Variants in CTBP2 observed in about 807,000 individuals in gnomAD.
CTBP2 encodes the protein C-terminal-binding protein 2.
A neutral mutation model predicts 80.3 loss-of-function variants in CTBP2; 30 were observed. The observed-to-expected ratio is 0.37, with a 90% CI of 0.28 to 0.51. The LOEUF (loss-of-function observed/expected upper bound fraction) is 0.51, where lower values mean the gene tolerates loss of function less well. CTBP2 is among the 20% of genes least tolerant of loss of function. CTBP2 has a pLI of 0.93. For synonymous variants in CTBP2, 594 were observed against 587.4 expected (o/e 1.01, Z -0.16); for missense variants, 1,212 against 1,375.3 (o/e 0.88, Z 1.88).
intron 1 of CTBP2, among the ~76,000 whole-genome samples, chr10:125,144,277 A>C (rs115876037): frequency 2.5e-4 from 38 of 152,314 alleles, no homozygotes; most frequent in African/African-American, 8.7e-4. Context: ...GGTCATGTGA[A>C]TACACAACCA....
intron 1 of CTBP2, among the ~76,000 whole-genome samples, chr10:125,120,835 G>A (rs750266170): frequency 6.6e-6 from 1 of 152,112 alleles, no homozygotes; most frequent in Non-Finnish European, 1.5e-5. Flanking sequence ...CCAGCTAATT[G>A]CCCTGCCCAT....
chr10:125,058,954 TCCA>T (rs1294299140), intron 2 of CTBP2, among the ~76,000 whole-genome samples: 2 of 152,054 alleles, frequency 1.3e-5, no homozygotes, highest in East Asian at 3.9e-4. Flanking sequence ...ACACGGAGAT[TCCA>T]CCACCACCAA....
intron 2 of CTBP2, among the ~76,000 whole-genome samples, chr10:125,109,331 C>T (rs1000093476): frequency 6.6e-5 from 10 of 152,220 alleles, no homozygotes; most frequent in Non-Finnish European, 1.2e-4. Flanking sequence ...TGGTGTCCAA[C>T]TGGAAACATC....
intron 1 of CTBP2, among the ~76,000 whole-genome samples, chr10:125,015,285 C>G (rs1956355288): frequency 6.6e-6 from 1 of 152,224 alleles, no homozygotes; most frequent in African/African-American, 2.4e-5. Flanking sequence ...TCATCCCCAC[C>G]CAAGCAAGGC....
intron 2 of CTBP2, among the ~76,000 whole-genome samples, chr10:125,072,294 A>G (rs1845603583): frequency 6.6e-6 from 1 of 152,036 alleles, no homozygotes; most frequent in Non-Finnish European, 1.5e-5. Flanking sequence ...GAATCCACGT[A>G]CAGCTCCTAT....
At chr10:125,036,666 GGGGTGTGTGTGTGTGTGTGT>G (rs1390433567) in intron 3 of CTBP2, among the ~76,000 whole-genome samples, 28 of 100,326 alleles carry the variant, frequency 2.8e-4, no homozygotes, top group African/African-American at 1.0e-3. Flanking sequence ...AAAGCTAGAG[GGGGTGTGTGTGTGTGTGTGT>G]GTGTGTGTGT....
Position 125,027,768 on chromosome 10 carries a change from A to C in CTBP2, c.-9T>G, listed in dbSNP as rs1564745727. 4.5e-6 allele frequency: 7 copies of C among 1,560,428 alleles called. No individual in the cohort carries two copies. The highest frequency in any genetic ancestry group is 6.1e-6 in the Non-Finnish European group (7 of 1,152,332). ...CTGCTGGGAACTGGCATTGGAAAAA[A>C]AATGACTGCGGATGAGGCAGAGGAG... On this transcript the variant is annotated 5_prime_UTR_variant, in exon 1 of 9. Transcript: ENST00000309035.
At position 124,986,579 on chromosome 10, in the gene CTBP2, G is replaced by A. The variant is rs776369847; in HGVS notation, c.*2939C>T. 1 of 152,092 alleles carries A rather than the reference G, an allele frequency of 6.6e-6. No individual in the cohort carries two copies. The highest frequency in any genetic ancestry group is 2.4e-5 in the African/African-American group (1 of 41,408). 9.4% of individuals were successfully genotyped at this position (152,092 alleles called of 1,614,324 possible). On this transcript the variant is annotated 3_prime_UTR_variant, in exon 9 of 9. Coordinates refer to ENST00000309035, the MANE Select transcript of CTBP2 (RefSeq NM_022802.3). ...TGCAGGAAAAATGATTTTTTAGTAC[G>A]ATTCTGTAGAAATGAATCTTTGATA...
chr10:125,003,649 A>C (rs2134282391), intron 1 of CTBP2, among the ~76,000 whole-genome samples, 157 bp from the exon 4 acceptor site: 1 of 152,262 alleles, frequency 6.6e-6, no homozygotes, highest in Middle Eastern at 3.4e-3. Flanking sequence ...CCTTCCAGGG[A>C]GCCACTGACA....
chr10:125,009,740 G>A (rs1053052388), intron 1 of CTBP2, among the ~76,000 whole-genome samples: 30 of 152,296 alleles, frequency 2.0e-4, no homozygotes, highest in African/African-American at 7.0e-4. Flanking sequence ...TGGGACGTAC[G>A]CAAGTGCCTC....
rs867466383 is a variant in CTBP2, at chr10:125,098,686, G to C, written c.-102+12304C>G. Reference sequence around the variant, plus strand: ...AGAGAGAGAGAGAGAGAGAGAGAGAGAGAGAGAGAGAGAGAGAGAGACAGA... The same window carrying C: ...AGAGAGAGAGAGAGAGAGAGAGAGACAGAGAGAGAGAGAGAGAGAGACAGA... On this transcript the variant is annotated intron_variant, in intron 2 of 10. Coordinates refer to the CTBP2 transcript ENST00000337195. Among the ~76,000 whole-genome samples, 446 of 137,248 alleles carry C rather than the reference G, an allele frequency of 3.2e-3. 6 individuals are homozygous for C. Among genetic ancestry groups the C allele is most frequent in the East Asian group, 8.3e-3 (39 of 4,690 alleles). 90.0% of individuals were successfully genotyped at this position (137,248 alleles called of 152,430 possible).
In CTBP2 at chr10:125,001,149, G is replaced by C. The variant is rs1228845995; in HGVS notation, c.1978+1811C>G. The C allele has an allele frequency of 2.0e-5, 3 of 152,224 alleles. 1 individual carries two copies. The South Asian group carries it at 6.2e-4, about 32-fold the overall frequency. 9.4% of individuals were successfully genotyped at this position (152,224 alleles called of 1,614,324 possible). A position where few individuals can be genotyped will look rare whatever the true frequency, so the allele number is the denominator to read the frequency against. On this transcript the variant is annotated intron_variant, in intron 3 of 8. Coordinates refer to ENST00000309035, the MANE Select transcript of CTBP2 (RefSeq NM_022802.3). ...GCCTTTCTGGCCCCACTGCCTGTGC[G>C]GGGCACTTCTAGAAATGGAGAAATA...
intron 2 of CTBP2, among the ~76,000 whole-genome samples, chr10:125,098,609 C>T (rs572118263): frequency 1.4e-5 from 2 of 145,144 alleles, no homozygotes; most frequent in Non-Finnish European, 3.0e-5. Context: ...GTGCCAATGA[C>T]GCAGCCTGGG....
At chr10:125,006,738 T>C (rs1050380760) in intron 1 of CTBP2, among the ~76,000 whole-genome samples, 1 of 152,200 alleles carries the variant, frequency 6.6e-6, no homozygotes, top group Non-Finnish European at 1.5e-5. Flanking sequence ...AAGATTCATA[T>C]ACATTAAGAT....
intron 1 of CTBP2, among the ~76,000 whole-genome samples, chr10:125,019,306 C>T (rs1294103267): frequency 6.6e-6 from 1 of 152,180 alleles, no homozygotes; most frequent in Non-Finnish European, 1.5e-5. Context: ...TTATGGATTA[C>T]AAGTACTATT....
chr10:125,106,012 C>T lies in CTBP2; in HGVS notation c.-102+4978G>A, dbSNP rs370677517. Among the ~76,000 whole-genome samples, 172 of 152,292 alleles carry T rather than the reference C, an allele frequency of 1.1e-3. 2 individuals are homozygous for T. The highest frequency in any genetic ancestry group is 4.0e-3 in the African/African-American group (166 of 41,556). On this transcript the variant is annotated intron_variant, in intron 2 of 10. Transcript: ENST00000337195. ...ACTCTTCTTGCCTTTAACAAACACA[C>T]GCTCCAAGCCTCAGAGAAATCAGCC...
At chr10:125,094,686 G>A (rs1046330841) in intron 2 of CTBP2, among the ~76,000 whole-genome samples, 1 of 152,168 alleles carries the variant, frequency 6.6e-6, no homozygotes, top group African/African-American at 2.4e-5. Context: ...GGAGAGGCCA[G>A]GGATGCTGTT....
rs1206880643 is a variant in CTBP2, at chr10:125,003,162, C to G, written c.1834-58G>C. On this transcript the variant is annotated intron_variant, in intron 2 of 8. Transcript: ENST00000309035. ...CACCCCGTGCAGCCCACCGGCACCA[C>G]TTGGCCTGGCCCCCTGGCCCTATCA... is the stretch of plus-strand genomic sequence containing the variant. 1.9e-6 allele frequency: 3 copies of G among 1,608,178 alleles called. No individual in the cohort carries two copies. The African/African-American group carries it at 4.0e-5, about 21-fold the overall frequency.
rs1441896903 is a variant in CTBP2 at position 125,066,171 on chromosome 10, C to G, written c.-101-27016G>C. Among the ~76,000 whole-genome samples, 2 of 152,010 alleles carry G rather than the reference C, an allele frequency of 1.3e-5. No individual in the cohort carries two copies. Among genetic ancestry groups the G allele is most frequent in the African/African-American group, 4.8e-5 (2 of 41,376 alleles). ...GACAACGTCTGAGTGACCAGTGGCT[C>G]TTGGCTGAGGGATGTGAGCTATGAG... On this transcript the variant is annotated intron_variant, in intron 2 of 10. Transcript: ENST00000337195. This position sits in a 1 kb window ranked among gnomAD's most constrained non-coding sequence, Gnocchi z 4.1.
Sources: allele counts gnomAD v4.1 joint callset (sites outside exome capture counted in the v4.1 genomes callset), GRCh38; gene constraint gnomAD v4.1.1; non-coding constraint Gnocchi (gnomAD v3.1); transcripts MANE v1.5; gene names NCBI Gene and HGNC (gene_info 2026-07-23, HGNC 2026-07-21).